The following AANAT variants were observed in gnomAD, a reference collection of about 807,000 sequenced individuals.
AANAT encodes serotonin N-acetyltransferase.
A neutral mutation model predicts 15.6 loss-of-function variants in AANAT; 11 were observed. The ratio of observed to expected loss-of-function variants is 0.71; its 90% CI spans 0.44 to 1.17. The LOEUF is 1.17. AANAT is among the 50% of genes most tolerant of loss of function. The pLI, the probability that AANAT is intolerant of heterozygous loss-of-function variation, is 0.00. For missense variants in AANAT, 286 were observed against 296.3 expected, an observed-to-expected ratio of 0.97 and a Z score of 0.26; for synonymous variants, 139 against 131.5, an observed-to-expected ratio of 1.06 and a Z score of -0.39.
upstream of AANAT, among the ~76,000 whole-genome samples, chr17:76,465,509 A>T (rs1030842518): frequency 6.6e-6 from 1 of 151,128 alleles, no homozygotes; most frequent in African/African-American, 2.4e-5. Flanking sequence ...CTGATTTTTA[A>T]ATTTTTTGTA....
upstream of AANAT, among the ~76,000 whole-genome samples, chr17:76,463,308 C>CCTTTTTTTT (rs2073406916): frequency 5.1e-5 from 1 of 19,702 alleles, no homozygotes; most frequent in Admixed American, 1.1e-3. Context: ...TGGAAGGATT[C>CCTTTTTTTT]CTTTTTTTTT....
At chr17:76,466,774 G>A (rs1479605355), upstream of AANAT, among the ~76,000 whole-genome samples, 4 of 152,140 alleles carry the variant, frequency 2.6e-5, no homozygotes, top group Non-Finnish European at 2.9e-5. Context: ...CGTATCCAGG[G>A]CCCGGCACAT....
At chr17:76,454,898 G>A (rs1322909921) in intron 1 of AANAT, among the ~76,000 whole-genome samples, 15 of 151,982 alleles carry the variant, frequency 9.9e-5, no homozygotes, top group East Asian at 3.9e-4. Context: ...AGACCGAGGC[G>A]GGTGGGAGAC....
At chr17:76,459,768 G>A (rs1018537295) in intron 2 of AANAT, among the ~76,000 whole-genome samples, 1 of 152,242 alleles carries the variant, frequency 6.6e-6, no homozygotes, top group Non-Finnish European at 1.5e-5. Context: ...TCATAGGACT[G>A]TGGAGACTGT....
intron 1 of AANAT, among the ~76,000 whole-genome samples, chr17:76,457,516 CTAA>C (rs1055370360): frequency 4.6e-5 from 7 of 152,152 alleles, no homozygotes; most frequent in Non-Finnish European, 1.0e-4. Context: ...GTAATAATGG[CTAA>C]TAATAGCTAT....
chr17:76,454,857 T>A (rs776692501), intron 1 of AANAT, among the ~76,000 whole-genome samples: 1 of 152,082 alleles, frequency 6.6e-6, no homozygotes, highest in African/African-American at 2.4e-5. Context: ...CTGGATGTGG[T>A]GGCTCTTGCC....
In AANAT at chr17:76,469,044, G is replaced by A. The variant is rs2143981393; in HGVS notation, c.164-129G>A. ...ACCATGTGTGCGCTCAAGAAAGTGG[G>A]GGAAACAGCAGCCCTAACCCCCATT... On this transcript the variant is annotated intron_variant, in intron 2 of 3. Transcript: ENST00000392492. The surrounding 1 kb of genome is among the most constrained non-coding windows in gnomAD (Gnocchi z 5.2). The A allele has an allele frequency of 1.3e-6, 2 of 1,500,166 alleles. No homozygotes were observed. Among genetic ancestry groups the A allele is most frequent in the East Asian group, 4.5e-5 (2 of 43,960 alleles). 92.9% of individuals were successfully genotyped at this position (1,500,166 alleles called of 1,614,324 possible).
chr17:76,466,698 G>A (rs956192076), upstream of AANAT, among the ~76,000 whole-genome samples: 2 of 152,178 alleles, frequency 1.3e-5, no homozygotes, highest in African/African-American at 4.8e-5. Context: ...TCTGTGCCTC[G>A]GTTTCCTTCT....
intron 1 of AANAT, among the ~76,000 whole-genome samples, chr17:76,468,028 C>T (rs1479860211): frequency 6.6e-6 from 1 of 152,028 alleles, no homozygotes; most frequent in South Asian, 2.1e-4. Flanking sequence ...CTCTAACCTC[C>T]CCACCCCCCA....
chr17:76,455,618 A>G (rs2073336130), intron 1 of AANAT, among the ~76,000 whole-genome samples: 1 of 106,930 alleles, frequency 9.4e-6, no homozygotes, highest in Admixed American at 9.8e-5. Context: ...TCATCAACGA[A>G]AGACTAGTAA....
rs2073489234 is a variant in AANAT at position 76,469,468 on chromosome 17, G to C, written c.318+141G>C. 4.6e-6 allele frequency: 6 copies of C among 1,312,510 alleles called. No homozygotes were observed. Among genetic ancestry groups the C allele is most frequent in the Non-Finnish European group, 6.2e-6 (6 of 967,208 alleles). The allele number at this position is 1,312,510 out of a possible 1,614,324, so 81.3% of individuals were successfully genotyped here. A position where few individuals can be genotyped will look rare whatever the true frequency, so the allele number is the denominator to read the frequency against. ...GAGTACAGGCCACAGGCCCCTCCCA[G>C]AGCAAGACCTTCTGGGTCTTCAAGT... On this transcript the variant is annotated intron_variant, in intron 3 of 3. Coordinates refer to ENST00000392492, the MANE Select transcript of AANAT (RefSeq NM_001088.3). The surrounding 1 kb of genome is among the most constrained non-coding windows in gnomAD (Gnocchi z 5.2).
At chr17:76,458,155 G>C (rs1354828778) in intron 1 of AANAT, among the ~76,000 whole-genome samples, 1 of 152,252 alleles carries the variant, frequency 6.6e-6, no homozygotes, top group Non-Finnish European at 1.5e-5. Flanking sequence ...AGCTGGGACA[G>C]AGCTGCCCTC....
chr17:76,469,197 G>A lies in AANAT; in HGVS notation c.188G>A (p.Cys63Tyr), dbSNP rs2073481359. The A allele has an allele frequency of 6.2e-7, 1 of 1,614,140 alleles. No individual in the cohort carries two copies. Among genetic ancestry groups the A allele is most frequent in the African/African-American group, 1.3e-5 (1 of 75,056 alleles). ...REAFISVLGV[C>Y]PLYLDEIRHF... Reference sequence around the variant, plus strand: ...GCCTTCATCTCCGTCTTGGGCGTCTGCCCCCTGTACCTGGATGAGATCCGG... The same window carrying A: ...GCCTTCATCTCCGTCTTGGGCGTCTACCCCCTGTACCTGGATGAGATCCGG... The change falls in exon 3 of 4, where the codon TGC (cysteine) becomes TAC (tyrosine). Residue 63 changes from cysteine (C) to tyrosine (Y), a missense_variant. Coordinates refer to ENST00000392492, the MANE Select transcript of AANAT (RefSeq NM_001088.3). The surrounding 1 kb of genome is among the most constrained non-coding windows in gnomAD (Gnocchi z 5.2).
Position 76,468,628 on chromosome 17 carries a change from T to C in AANAT, c.-75-44T>C, listed in dbSNP as rs958425956. On this transcript the variant is annotated intron_variant, in intron 1 of 3. Coordinates refer to ENST00000392492, the MANE Select transcript of AANAT (RefSeq NM_001088.3). ...ATACATACTCTGGGGCCTGCCTCCC[T>C]GGAGATGAGGATGAGACCCCTGTCC... 6.7e-6 allele frequency: 10 copies of C among 1,488,940 alleles called. No individual in the cohort carries two copies. The African/African-American group carries it at 1.1e-4, about 17-fold the overall frequency. The allele number at this position is 1,488,940 out of a possible 1,614,324, so 92.2% of individuals were successfully genotyped here.
chr17:76,458,178 A>T (rs1381112988), intron 1 of AANAT, among the ~76,000 whole-genome samples: 1 of 152,240 alleles, frequency 6.6e-6, no homozygotes, highest in Non-Finnish European at 1.5e-5. Flanking sequence ...TGGCTGCTCC[A>T]AATCCTTTCA....
intron 1 of AANAT, 118 bp from the exon 2 acceptor site, chr17:76,468,554 T>G: frequency 1.1e-6 from 1 of 877,684 alleles, no homozygotes; most frequent in Non-Finnish European, 1.7e-6. Context: ...AATGTGCCCA[T>G]TGATTTAGGG....
At position 76,468,817 on chromosome 17, in the gene AANAT, C is replaced by T. The variant is rs752822067; in HGVS notation, c.71C>T (p.Pro24Leu). ...PRLPPGIPES[P>L]SCQRRHTLPA... ...CTGCCACCTGGGATCCCCGAGTCCC[C>T]GAGCTGTCAGCGGCGCCACACACTC... is the stretch of plus-strand genomic sequence containing the variant. The change falls in exon 2 of 4, where the codon CCG becomes CTG. Residue 24 changes from proline (P) to leucine (L), a missense_variant. By Grantham distance (98) the Pro-to-Leu change is moderately conservative (BLOSUM62 -3). Transcript: ENST00000392492. 1.1e-5 allele frequency: 18 copies of T among 1,613,596 alleles called. No homozygotes were observed. Among genetic ancestry groups the T allele is most frequent in the South Asian group, 5.5e-5 (5 of 91,074 alleles).
At chr17:76,457,335 C>T (rs2073351304) in intron 1 of AANAT, among the ~76,000 whole-genome samples, 1 of 152,166 alleles carries the variant, frequency 6.6e-6, no homozygotes, top group African/African-American at 2.4e-5. Context: ...AGCCACCGCA[C>T]CCGGCCTCAA....
At position 76,468,695 on chromosome 17, in the gene AANAT, T is replaced by A. The variant is rs897808042; in HGVS notation, c.-52T>A. 2.5e-6 allele frequency: 4 copies of A among 1,570,080 alleles called. No homozygotes were observed. The Admixed American group carries it at 5.6e-5, about 22-fold the overall frequency. Reference sequence around the variant, plus strand: ...AGGTGCTGGGAGGCCCTCCTTGGCTTAGGAGGACACTTCCAAAGCTGGGGC... The same window carrying A: ...AGGTGCTGGGAGGCCCTCCTTGGCTAAGGAGGACACTTCCAAAGCTGGGGC... On this transcript the variant is annotated 5_prime_UTR_variant, in exon 2 of 4. Coordinates refer to ENST00000392492, the MANE Select transcript of AANAT (RefSeq NM_001088.3).
Sources: gnomAD v4.1 joint callset for allele counts (sites outside exome capture counted in the v4.1 genomes callset) on GRCh38, gnomAD v4.1.1 for gene constraint, Gnocchi (gnomAD v3.1) non-coding constraint, MANE v1.5 for transcripts, NCBI Gene and HGNC (gene_info 2026-07-23, HGNC 2026-07-21) for gene names.